Variants in PRR5L observed in about 807,000 individuals in gnomAD.
The protein encoded by PRR5L is proline rich 5 like.
Under a neutral mutation model 36.4 loss-of-function variants are expected in PRR5L, and 21 were observed. The ratio of observed to expected loss-of-function variants is 0.58; its 90% CI spans 0.41 to 0.83. PRR5L has a LOEUF of 0.83. PRR5L is among the 40% of genes least tolerant of loss of function. The pLI is 0.00. For synonymous variants in PRR5L, 188 were observed against 197.0 expected (o/e 0.95, Z 0.38); for missense variants, 381 against 473.3 (o/e 0.80, Z 1.81).
chr11:36,396,740 T>G (rs986968635), intron 1 of PRR5L, among the ~76,000 whole-genome samples: 1 of 152,200 alleles, frequency 6.6e-6, no homozygotes, highest in Admixed American at 6.5e-5. Context: ...AGTAACTTGA[T>G]CAAGGTCACA....
At chr11:36,308,563 T>C (rs560516759) in intron 1 of PRR5L, among the ~76,000 whole-genome samples, 1 of 152,356 alleles carries the variant, frequency 6.6e-6, no homozygotes, top group Admixed American at 6.5e-5. Flanking sequence ...TGATTAATAG[T>C]ATTGCATTTT....
intron 3 of PRR5L, among the ~76,000 whole-genome samples, chr11:36,405,271 G>T (rs1391181822): frequency 2.0e-5 from 3 of 152,154 alleles, no homozygotes; most frequent in Non-Finnish European, 4.4e-5. Context: ...TAGAACACAG[G>T]CCCACTGATA....
chr11:36,413,287 C>T (rs914224032), intron 3 of PRR5L, among the ~76,000 whole-genome samples: 4 of 152,160 alleles, frequency 2.6e-5, no homozygotes, highest in Non-Finnish European at 5.9e-5. Context: ...CAGCTTGAGG[C>T]AGGTCTGGAT....
At chr11:36,337,125 G>A (rs1856776131) in intron 1 of PRR5L, among the ~76,000 whole-genome samples, 1 of 152,156 alleles carries the variant, frequency 6.6e-6, no homozygotes, top group South Asian at 2.1e-4. Flanking sequence ...TTTTCAAAAT[G>A]CATTGTATTT....
chr11:36,335,221 C>T (rs1008950229), intron 1 of PRR5L, among the ~76,000 whole-genome samples: 2 of 152,136 alleles, frequency 1.3e-5, no homozygotes, highest in Admixed American at 1.3e-4. Context: ...CACGCCATTA[C>T]GCCAGGCTAA....
intron 4 of PRR5L, among the ~76,000 whole-genome samples, chr11:36,430,462 T>A (rs1858470598): frequency 1.3e-5 from 2 of 152,232 alleles, no homozygotes; most frequent in South Asian, 2.1e-4. Context: ...TAGGTCATAT[T>A]TTGTAAATCT....
intron 1 of PRR5L, among the ~76,000 whole-genome samples, chr11:36,322,837 G>C (rs1856626079): frequency 6.6e-6 from 1 of 152,140 alleles, no homozygotes; most frequent in Non-Finnish European, 1.5e-5. Context: ...TATGACTGGA[G>C]TCCTTATAAA....
In PRR5L at chr11:36,403,278, G is replaced by T. The variant is rs1480021384; in HGVS notation, c.165-20G>T. The T allele has an allele frequency of 4.3e-6, 7 of 1,610,234 alleles. No individual in the cohort carries two copies. The South Asian group carries it at 5.5e-5, about 13-fold the overall frequency. On this transcript the variant is annotated intron_variant, in intron 2 of 8. Transcript: ENST00000530639. ...AAGAAGGGAGATTCTCTAACCAGGGGTTATTCTCTTTTCCTGTAGCGTTCA... is the reference window on the plus strand; with the variant it reads ...AAGAAGGGAGATTCTCTAACCAGGGTTTATTCTCTTTTCCTGTAGCGTTCA...
At chr11:36,424,150 T>G (rs916203147) in intron 4 of PRR5L, among the ~76,000 whole-genome samples, 11 of 152,172 alleles carry the variant, frequency 7.2e-5, no homozygotes, top group African/African-American at 2.4e-4. Flanking sequence ...AAGATGAAAA[T>G]CAATAGGCTT....
intron 1 of PRR5L, among the ~76,000 whole-genome samples, chr11:36,298,043 G>A (rs1166474001): frequency 6.6e-6 from 1 of 152,184 alleles, no homozygotes; most frequent in Non-Finnish European, 1.5e-5. Context: ...ACTTCAGAGA[G>A]CACCATTATT....
chr11:36,424,929 C>A (rs1305012345), intron 4 of PRR5L, among the ~76,000 whole-genome samples: 1 of 152,082 alleles, frequency 6.6e-6, no homozygotes, highest in Non-Finnish European at 1.5e-5. Flanking sequence ...TCAAGTGATT[C>A]TCCTGGCTCA....
At chr11:36,409,195 C>T (rs148036869) in intron 3 of PRR5L, among the ~76,000 whole-genome samples, 9 of 152,310 alleles carry the variant, frequency 5.9e-5, no homozygotes, top group African/African-American at 2.2e-4. Flanking sequence ...AGTTGAGGAT[C>T]TAACGTTCTT....
intron 1 of PRR5L, among the ~76,000 whole-genome samples, chr11:36,390,133 C>G (rs539735516): frequency 6.6e-6 from 1 of 152,056 alleles, no homozygotes; most frequent in South Asian, 2.1e-4. Flanking sequence ...TATGACAAGA[C>G]GACAAAGGAG....
At chr11:36,310,957 A>C (rs1208122868) in intron 1 of PRR5L, among the ~76,000 whole-genome samples, 1 of 138,872 alleles carries the variant, frequency 7.2e-6, no homozygotes, top group Non-Finnish European at 1.5e-5. Context: ...AGATTATGCC[A>C]CTGCACTCTG....
intron 6 of PRR5L, among the ~76,000 whole-genome samples, chr11:36,440,320 T>A (rs186219956): frequency 2.0e-5 from 3 of 152,286 alleles, no homozygotes; most frequent in Non-Finnish European, 4.4e-5. Flanking sequence ...CATGTTGCTG[T>A]CCTTGGCCCG....
intron 1 of PRR5L, among the ~76,000 whole-genome samples, chr11:36,305,222 T>C (rs1036995279): frequency 2.0e-5 from 3 of 152,212 alleles, no homozygotes; most frequent in African/African-American, 7.2e-5. Flanking sequence ...TGATACAGGA[T>C]CCAACATGGA....
At chr11:36,414,929 T>C (rs1390144344) in intron 3 of PRR5L, among the ~76,000 whole-genome samples, 1 of 140,668 alleles carries the variant, frequency 7.1e-6, no homozygotes, top group Non-Finnish European at 1.5e-5. Flanking sequence ...TTTCTACATA[T>C]GGCTAGCCAG....
At chr11:36,350,328 AGT>A (rs1171360737) in intron 1 of PRR5L, among the ~76,000 whole-genome samples, 1 of 149,574 alleles carries the variant, frequency 6.7e-6, no homozygotes, top group Non-Finnish European at 1.5e-5. Flanking sequence ...TGAATGTGTG[AGT>A]GTGTGTGTAT....
chr11:36,312,986 C>T (rs758068515), intron 1 of PRR5L, among the ~76,000 whole-genome samples: 5 of 152,222 alleles, frequency 3.3e-5, no homozygotes, highest in Non-Finnish European at 7.3e-5. Context: ...CCAGAGGAGC[C>T]GCTTTACTGA....
Sources: allele counts gnomAD v4.1 joint callset (sites outside exome capture counted in the v4.1 genomes callset), GRCh38; gene constraint gnomAD v4.1.1; transcripts MANE v1.5; gene names NCBI Gene and HGNC (gene_info 2026-07-23, HGNC 2026-07-21).